Variants in ARHGEF4 observed in about 807,000 individuals in gnomAD.
ARHGEF4 encodes the protein Rho guanine nucleotide exchange factor 4, also known as APC-stimulated guanine nucleotide exchange factor 1.
ARHGEF4 carries 119 observed loss-of-function variants against 162.0 expected under a neutral mutation model. The observed-to-expected ratio is 0.73, with a 90% CI of 0.63 to 0.86. The LOEUF (loss-of-function observed/expected upper bound fraction) is 0.86, where lower values mean the gene tolerates loss of function less well. Ranked by LOEUF, ARHGEF4 falls within the 40% of genes least tolerant of loss-of-function variation. The probability of loss-of-function intolerance (pLI) is 0.00; values close to 1 mark genes in which losing one functional copy is unlikely to be tolerated. For missense variants in ARHGEF4, 2,488 were observed against 2,456.0 expected (o/e 1.01, Z -0.28); for synonymous variants, 1,014 against 979.9 (o/e 1.03, Z -0.65).
rs1683627134 is a variant in ARHGEF4, at chr2:130,946,490, CTCTT to C, written c.3859-16_3859-13del. The stretch of plus-strand genomic sequence containing the variant: ...TTTCTTTTCTTCATTTGCCCTCTGT[CTCTT>C]TCCTCCTCTTCCAGTGCTGGAGAAA... On this transcript the variant is annotated splice_polypyrimidine_tract_variant and intron_variant, in intron 3 of 13. Coordinates refer to ENST00000409359, the MANE Select transcript of ARHGEF4 (RefSeq NM_001367493.1). 1 of 1,597,814 alleles carries C rather than the reference CTCTT, an allele frequency of 6.3e-7. No homozygotes were observed. The highest frequency in any genetic ancestry group is 8.5e-7 in the Non-Finnish European group (1 of 1,170,870).
chr2:130,969,017 T>G (rs954587336), intron 4 of ARHGEF4, among the ~76,000 whole-genome samples: 1 of 152,198 alleles, frequency 6.6e-6, no homozygotes, highest in African/African-American at 2.4e-5. Flanking sequence ...GCTACTTTGC[T>G]TGCTTGCCTG....
At chr2:131,020,255 T>G (rs555436438) in intron 4 of ARHGEF4, among the ~76,000 whole-genome samples, 300 of 152,112 alleles carry the variant, frequency 2.0e-3, no homozygotes, top group Non-Finnish European at 3.4e-3. Context: ...TTGTTACATA[T>G]GTATACATGT....
chr2:131,045,836 A>C (rs1035347255), intron 13 of ARHGEF4: 52 of 1,446,902 alleles, frequency 3.6e-5, no homozygotes, highest in Non-Finnish European at 4.6e-5. Context: ...CTGCTGCAGG[A>C]GGCCAGGCCC....
At chr2:130,912,580 A>G (rs1038448593) in intron 1 of ARHGEF4, among the ~76,000 whole-genome samples, 1 of 152,182 alleles carries the variant, frequency 6.6e-6, no homozygotes. Flanking sequence ...GTCCTGGGAA[A>G]CCATGCCTGG....
intron 1 of ARHGEF4, among the ~76,000 whole-genome samples, chr2:130,883,422 C>G (rs1679317118): frequency 6.6e-6 from 1 of 152,118 alleles, no homozygotes; most frequent in Admixed American, 6.5e-5. Flanking sequence ...TGTGTATAAG[C>G]TCAGAATTTT....
At chr2:131,020,949 G>A (rs533222286) in intron 4 of ARHGEF4, among the ~76,000 whole-genome samples, 4 of 152,274 alleles carry the variant, frequency 2.6e-5, no homozygotes, top group African/African-American at 9.6e-5. Context: ...GTGATGATGA[G>A]CATTTTTTCA....
chr2:130,995,789 C>A (rs913986043), intron 4 of ARHGEF4, among the ~76,000 whole-genome samples: 1 of 151,382 alleles, frequency 6.6e-6, no homozygotes, highest in Non-Finnish European at 1.5e-5. Flanking sequence ...CATGCGTAGT[C>A]CCACCACAAA....
intron 2 of ARHGEF4, among the ~76,000 whole-genome samples, chr2:130,928,207 G>T (rs1030268250): frequency 6.6e-6 from 1 of 152,172 alleles, no homozygotes; most frequent in Non-Finnish European, 1.5e-5. Flanking sequence ...CCTATCAAGT[G>T]ACTTTAAAAG....
intron 4 of ARHGEF4, among the ~76,000 whole-genome samples, chr2:131,016,155 C>T (rs143174558): frequency 1.3e-5 from 2 of 152,148 alleles, no homozygotes; most frequent in South Asian, 2.1e-4. Flanking sequence ...CTCTTCACCC[C>T]CCTTGCTACC....
At chr2:130,997,366 T>G (rs1573564977) in intron 4 of ARHGEF4, among the ~76,000 whole-genome samples, 1 of 152,354 alleles carries the variant, frequency 6.6e-6, no homozygotes, top group East Asian at 1.9e-4. Flanking sequence ...ATGCTTTTGT[T>G]ATGTATTTTT....
At chr2:130,849,225 G>C (rs1184420047) in intron 1 of ARHGEF4, among the ~76,000 whole-genome samples, 1 of 152,254 alleles carries the variant, frequency 6.6e-6, no homozygotes, top group African/African-American at 2.4e-5. Flanking sequence ...ACGGGAGAGT[G>C]ATGAAAAAGC....
At chr2:130,913,514 T>G (rs542124380) in intron 1 of ARHGEF4, among the ~76,000 whole-genome samples, 20 of 152,332 alleles carry the variant, frequency 1.3e-4, no homozygotes, top group South Asian at 6.2e-4. Flanking sequence ...TTTGTGTTTT[T>G]TTGTTGTTGT....
At chr2:130,853,777 A>G (rs970773846) in intron 1 of ARHGEF4, among the ~76,000 whole-genome samples, 3 of 152,196 alleles carry the variant, frequency 2.0e-5, no homozygotes, top group Non-Finnish European at 2.9e-5. Context: ...GTTGTGGGAA[A>G]ACCACACAAG....
chr2:130,856,994 G>A (rs189743679), intron 1 of ARHGEF4, among the ~76,000 whole-genome samples: 34 of 152,196 alleles, frequency 2.2e-4, no homozygotes, highest in East Asian at 1.4e-3. Flanking sequence ...AGGCCGAGGC[G>A]GGTGGATCAC....
At chr2:130,930,888 A>G in intron 2 of ARHGEF4, 64 bp from the exon 3 acceptor site, 1 of 1,478,920 alleles carries the variant, frequency 6.8e-7, no homozygotes, top group South Asian at 1.3e-5. Context: ...GAGGAAGGAC[A>G]GCGTGTTCCC....
rs1559035400 is a variant in ARHGEF4 at position 130,914,400 on chromosome 2, G to C, written c.454G>C (p.Val152Leu). The part of the protein sequence containing the change: ...CKNGWRAFAT[V>L]AGEQEAGHLW... ...AAATGGGTGGCGAGCCTTTGCCACA[G>C]TTGCTGGAGAACAGGAGGCAGGACA... is the stretch of plus-strand genomic sequence containing the variant. Residue 152 changes from valine (V) to leucine (L), a missense_variant, in exon 2 of 14, where the codon GTT becomes CTT. Transcript: ENST00000409359. 1.4e-6 allele frequency: 2 copies of C among 1,443,982 alleles called. No individual in the cohort carries two copies. The highest frequency in any genetic ancestry group is 1.5e-5 in the South Asian group (1 of 68,098). The allele number at this position is 1,443,982 out of a possible 1,614,324, so 89.4% of individuals were successfully genotyped here.
At chr2:130,952,863 T>C (rs909423631) in intron 4 of ARHGEF4, among the ~76,000 whole-genome samples, 2 of 152,080 alleles carry the variant, frequency 1.3e-5, no homozygotes, top group Non-Finnish European at 2.9e-5. Flanking sequence ...GTGAAGGACC[T>C]CTTCAAGGAG....
chr2:130,988,175 G>A (rs1686645382), intron 4 of ARHGEF4, among the ~76,000 whole-genome samples: 1 of 152,226 alleles, frequency 6.6e-6, no homozygotes, highest in African/African-American at 2.4e-5. Context: ...TGGACAGGTG[G>A]CTCTGTCGGT....
intron 1 of ARHGEF4, among the ~76,000 whole-genome samples, chr2:130,873,068 C>T (rs1384308640): frequency 6.6e-6 from 1 of 152,232 alleles, no homozygotes; most frequent in Non-Finnish European, 1.5e-5. Flanking sequence ...GCTGCCTTCC[C>T]CAGTCTCCAG....
Sources: allele counts gnomAD v4.1 joint callset (sites outside exome capture counted in the v4.1 genomes callset), GRCh38; gene constraint gnomAD v4.1.1; transcripts MANE v1.5; gene names NCBI Gene and HGNC (gene_info 2026-07-23, HGNC 2026-07-21).